The following CPED1 variants were observed in gnomAD, a reference collection of about 807,000 sequenced individuals.
CPED1 encodes the protein cadherin-like and PC-esterase domain-containing protein 1.
Under a neutral mutation model 128.2 loss-of-function variants are expected in CPED1, and 114 were observed. The ratio of observed to expected loss-of-function variants is 0.89; its 90% CI spans 0.76 to 1.04. The LOEUF (loss-of-function observed/expected upper bound fraction) is 1.04, where lower values mean the gene tolerates loss of function less well. Ranked by LOEUF, CPED1 falls within the 50% of genes least tolerant of loss-of-function variation. The probability of loss-of-function intolerance (pLI) is 0.00; values close to 1 mark genes in which losing one functional copy is unlikely to be tolerated. For missense variants in CPED1, 1,211 were observed against 1,207.1 expected (o/e 1.00, Z -0.05); for synonymous variants, 462 against 426.7 (o/e 1.08, Z -1.02).
At chr7:121,106,392 G>C (rs1794977221) in intron 7 of CPED1, among the ~76,000 whole-genome samples, 1 of 151,918 alleles carries the variant, frequency 6.6e-6, no homozygotes. Context: ...TATTATGACA[G>C]TGTAAAGGTA....
chr7:121,262,556 C>G (rs949083972), intron 18 of CPED1, among the ~76,000 whole-genome samples: 1 of 152,004 alleles, frequency 6.6e-6, no homozygotes, highest in African/African-American at 2.4e-5. Context: ...CACATTTTTT[C>G]TCTTTGCTTA....
chr7:121,001,187 T>A (rs1351540996), intron 2 of CPED1, among the ~76,000 whole-genome samples: 1 of 152,186 alleles, frequency 6.6e-6, no homozygotes, highest in East Asian at 1.9e-4. Context: ...ATAGATACAG[T>A]CAAATGCAAG....
chr7:121,168,390 C>T (rs189590056), intron 16 of CPED1, among the ~76,000 whole-genome samples: 1 of 152,290 alleles, frequency 6.6e-6, no homozygotes, highest in Admixed American at 6.5e-5. Flanking sequence ...TCTTAAATAT[C>T]ACTTTTAACA....
In CPED1 at chr7:120,989,577, C is replaced by CT; in HGVS notation, c.-41dup. 3 of 1,601,638 alleles carry CT rather than the reference C, an allele frequency of 1.9e-6. No homozygotes were observed. Among genetic ancestry groups the CT allele is most frequent in the East Asian group, 4.5e-5 (2 of 44,710 alleles). ...TGCTGACAAAAAATAGCTGCTATGA[C>CT]TTTTCCCGCAACGTGGACAGGGGCC... is the stretch of plus-strand genomic sequence containing the variant. On this transcript the variant is annotated 5_prime_UTR_variant, in exon 2 of 23. An upstream open reading frame in the 5' UTR loses its in-frame stop. Transcript: ENST00000310396.
chr7:121,006,843 G>A (rs7782552), intron 2 of CPED1, among the ~76,000 whole-genome samples: 71,432 of 151,906 alleles, frequency 0.47, 17,905 homozygotes, highest in South Asian at 0.65. Context: ...CATCTCAAAG[G>A]AGCCTTGAAG....
intron 16 of CPED1, among the ~76,000 whole-genome samples, chr7:121,203,719 G>A (rs953181529): frequency 6.6e-6 from 1 of 152,126 alleles, no homozygotes; most frequent in East Asian, 1.9e-4. Context: ...GTTAACAAGT[G>A]TATAATAGCA....
At chr7:121,010,933 T>C (rs777792993) in intron 2 of CPED1, among the ~76,000 whole-genome samples, 4 of 152,190 alleles carry the variant, frequency 2.6e-5, no homozygotes, top group Non-Finnish European at 4.4e-5. Flanking sequence ...ATTCCTTCCA[T>C]TTACTTCTTA....
intron 21 of CPED1, among the ~76,000 whole-genome samples, chr7:121,268,919 T>C (rs985701618): frequency 1.3e-5 from 2 of 152,020 alleles, no homozygotes; most frequent in Non-Finnish European, 2.9e-5. Context: ...CCTGTAACAG[T>C]GTCTTATGTC....
intron 22 of CPED1, among the ~76,000 whole-genome samples, chr7:121,282,626 A>G (rs1340012363): frequency 2.0e-5 from 3 of 152,228 alleles, no homozygotes; most frequent in African/African-American, 7.2e-5. Flanking sequence ...TTTGACAGCA[A>G]TGCTGGACAC....
At chr7:121,018,661 C>T (rs1182327986) in intron 3 of CPED1, among the ~76,000 whole-genome samples, 1 of 152,012 alleles carries the variant, frequency 6.6e-6, no homozygotes, top group Non-Finnish European at 1.5e-5. Flanking sequence ...TCTATTTCAC[C>T]TATTTCACCT....
Position 121,140,876 on chromosome 7 carries a change from G to C in CPED1, c.1749G>C (p.Leu583Phe). 6.2e-7 allele frequency: 1 copy of C among 1,612,298 alleles called. No individual in the cohort carries two copies. The highest frequency in any genetic ancestry group is 8.5e-7 in the Non-Finnish European group (1 of 1,179,034). Residue 583 changes from leucine to phenylalanine, a missense_variant, in exon 15 of 23, where the codon TTG becomes TTC. By Grantham distance (22) the Leu-to-Phe change is conservative (BLOSUM62 0). Transcript: ENST00000310396. ...HIKQIFTHPH[L>F]ELNPDFHPKI... ...AGCAGATCTTCACACATCCACATTTGGAACTAAATCCTGACTTTCATCCAA... is the reference window on the plus strand; with the variant it reads ...AGCAGATCTTCACACATCCACATTTCGAACTAAATCCTGACTTTCATCCAA...
At chr7:121,027,382 C>T (rs537391509) in intron 3 of CPED1, among the ~76,000 whole-genome samples, 1 of 151,954 alleles carries the variant, frequency 6.6e-6, no homozygotes, top group South Asian at 2.1e-4. Flanking sequence ...TGGTATTCTG[C>T]ATAAAACAAT....
intron 16 of CPED1, among the ~76,000 whole-genome samples, chr7:121,192,328 C>T (rs895099335): frequency 2.6e-5 from 4 of 152,110 alleles, no homozygotes; most frequent in South Asian, 2.1e-4. Flanking sequence ...CTCATTGGAG[C>T]GTTTTGGATT....
At chr7:121,078,707 T>G (rs1794203559) in intron 5 of CPED1, among the ~76,000 whole-genome samples, 1 of 152,036 alleles carries the variant, frequency 6.6e-6, no homozygotes, top group Admixed American at 6.6e-5. Flanking sequence ...CCTTTTCACC[T>G]CCAAACTGGG....
At chr7:121,124,691 G>A (rs1376767765) in intron 8 of CPED1, among the ~76,000 whole-genome samples, 1 of 152,050 alleles carries the variant, frequency 6.6e-6, no homozygotes, top group Non-Finnish European at 1.5e-5. Context: ...CTAAATAGTG[G>A]TAACAAGAAG....
In CPED1 at chr7:121,120,910, A is replaced by G. The variant is rs571892361; in HGVS notation, c.919-3421A>G. On this transcript the variant is annotated intron_variant, in intron 7 of 22. Coordinates refer to ENST00000310396, the MANE Select transcript of CPED1 (RefSeq NM_024913.5). ...GTTTATTCAACAGTATTTACTGAAT[A>G]CCTACTTAGCATTAGGCACTGAAAT... Among the ~76,000 whole-genome samples the G allele has an allele frequency of 6.6e-5, 10 of 150,572 alleles. No homozygotes were observed. In the South Asian group the frequency reaches 2.1e-3, roughly 32 times the overall value.
At position 121,085,873 on chromosome 7, in the gene CPED1, G is replaced by C. The variant is rs1205537371; in HGVS notation, c.617-11826G>C. 8.5e-5 allele frequency among the ~76,000 whole-genome samples: 13 copies of C among 152,096 alleles called. 1 individual carries two copies. The highest frequency in any genetic ancestry group is 8.5e-4 in the Admixed American group (13 of 15,270). On this transcript the variant is annotated intron_variant, in intron 5 of 22. Coordinates refer to ENST00000310396, the MANE Select transcript of CPED1 (RefSeq NM_024913.5). ...TGTCATGGTGTGTTTAGTACCCCTG[G>C]GTTTTAACAATGTCCCGACTGAGCC...
intron 16 of CPED1, among the ~76,000 whole-genome samples, chr7:121,189,957 A>G (rs969214812): frequency 6.6e-6 from 1 of 151,560 alleles, no homozygotes; most frequent in Non-Finnish European, 1.5e-5. Flanking sequence ...ACCAGGCAAC[A>G]ACAGTGAACA....
At chr7:121,267,672 T>C (rs558076448) in intron 21 of CPED1, among the ~76,000 whole-genome samples, 1 of 152,150 alleles carries the variant, frequency 6.6e-6, no homozygotes, top group South Asian at 2.1e-4. Context: ...AGTAGGGGTC[T>C]CTGGCCAGTT....
Sources: allele counts gnomAD v4.1 joint callset (sites outside exome capture counted in the v4.1 genomes callset), GRCh38; gene constraint gnomAD v4.1.1; transcripts MANE v1.5; gene names NCBI Gene and HGNC (gene_info 2026-07-23, HGNC 2026-07-21).